GVQW3: variants seen among roughly 807,000 people sequenced by gnomAD.
GVQW3 encodes protein GVQW3.
Under a neutral mutation model 12.5 loss-of-function variants are expected in GVQW3, and 7 were observed. That is an observed-to-expected ratio of 0.56 (90% CI 0.32 to 1.05). The LOEUF (loss-of-function observed/expected upper bound fraction) is 1.05. Ranked by LOEUF, GVQW3 falls within the 50% of genes least tolerant of loss-of-function variation. The pLI is 0.04. For missense variants in GVQW3, 188 were observed against 190.8 expected, an observed-to-expected ratio of 0.99 and a Z score of 0.09; for synonymous variants, 71 against 67.2, an observed-to-expected ratio of 1.06 and a Z score of -0.28.
At chr11:76,395,211 G>A (rs1946928791) in intron 1 of GVQW3, 1 of 152,174 alleles carries the variant, frequency 6.6e-6, no homozygotes, top group African/African-American at 2.4e-5. Context: ...CATTCACAAT[G>A]CTGTGCAACC....
At chr11:76,392,202 C>T (rs1319148293) in intron 1 of GVQW3, 1 of 152,204 alleles carries the variant, frequency 6.6e-6, no homozygotes, top group Non-Finnish European at 1.5e-5. Flanking sequence ...TTGTAATCAT[C>T]AACTAAGGGT....
At chr11:76,409,108 G>A (rs1359042594), downstream of GVQW3, among the ~76,000 whole-genome samples, 1 of 152,182 alleles carries the variant, frequency 6.6e-6, no homozygotes, top group Non-Finnish European at 1.5e-5. Flanking sequence ...CAGGCACTGT[G>A]CTTAGAATAG....
intron 1 of GVQW3, among the ~76,000 whole-genome samples, chr11:76,400,565 C>T (rs1334394671): frequency 6.6e-6 from 1 of 152,040 alleles, no homozygotes; most frequent in Non-Finnish European, 1.5e-5. Context: ...GGATTACAGG[C>T]TCACACCACC....
Position 76,404,051 on chromosome 11 carries a change from C to T in GVQW3, c.*293C>T. Reference sequence around the variant, plus strand: ...GACACACCCAGAAATAATGTTTTCCCATCTATCTCAGTACCCCATGATCCA... The same window carrying T: ...GACACACCCAGAAATAATGTTTTCCTATCTATCTCAGTACCCCATGATCCA... On this transcript the variant is annotated 3_prime_UTR_variant, in exon 2 of 2. Coordinates refer to ENST00000529331, the MANE Select transcript of GVQW3 (RefSeq NM_001347885.2). 1.8e-6 allele frequency: 1 copy of T among 564,922 alleles called. No homozygotes were observed. Among genetic ancestry groups the T allele is most frequent in the Non-Finnish European group, 3.3e-6 (1 of 307,064 alleles). 35.0% of individuals were successfully genotyped at this position (564,922 alleles called of 1,614,324 possible).
intron 1 of GVQW3, among the ~76,000 whole-genome samples, chr11:76,385,874 T>A (rs1333627446): frequency 6.6e-6 from 1 of 152,210 alleles, no homozygotes; most frequent in Non-Finnish European, 1.5e-5. Context: ...GGAGGCAATA[T>A]GGTTACCTCT....
intron 1 of GVQW3, among the ~76,000 whole-genome samples, chr11:76,396,296 ATTATTATTATTATT>A (rs936857745): frequency 4.0e-5 from 6 of 151,334 alleles, no homozygotes; most frequent in African/African-American, 7.3e-5. Flanking sequence ...TGCTGCTATT[ATTATTATTATTATT>A]TTATTATTAT....
chr11:76,394,585 C>T (rs928966354), intron 1 of GVQW3, among the ~76,000 whole-genome samples: 1 of 152,138 alleles, frequency 6.6e-6, no homozygotes, highest in Non-Finnish European at 1.5e-5. Context: ...TTTATCTATT[C>T]ATCTGTTGAC....
At chr11:76,410,434 G>GAT (rs371900741), downstream of GVQW3, among the ~76,000 whole-genome samples, 2 of 148,168 alleles carry the variant, frequency 1.3e-5, no homozygotes, top group African/African-American at 2.5e-5. Context: ...GGTCTGTTTT[G>GAT]TTTTTTTTTT....
intron 1 of GVQW3, among the ~76,000 whole-genome samples, chr11:76,387,847 C>T (rs551225208): frequency 6.6e-6 from 1 of 152,080 alleles, no homozygotes; most frequent in Non-Finnish European, 1.5e-5. Context: ...CACTTGAGCC[C>T]AGGAGGTCCA....
chr11:76,413,321 T>C (rs1947094281), exon 2 of GVQW3: 1 of 152,208 alleles, frequency 6.6e-6, no homozygotes, highest in Admixed American at 6.5e-5. Flanking sequence ...CCAGGTGTCA[T>C]GTAAAGGGAC....
chr11:76,406,260 AC>A lies in GVQW3; in HGVS notation c.*2503del, dbSNP rs1947038446. On this transcript the variant is annotated 3_prime_UTR_variant, in exon 2 of 2. Transcript: ENST00000529331. ...AATGCTGGGACTATAGGTGTGAGCC[AC>A]TGCACCTGGCCTGGAGCTCAGTTCT... 1 of 152,428 alleles carries A rather than the reference AC, an allele frequency of 6.6e-6. No individual in the cohort carries two copies. Among genetic ancestry groups the A allele is most frequent in the South Asian group, 2.1e-4 (1 of 4,824 alleles). The allele number at this position is 152,428 out of a possible 1,614,324, so 9.4% of individuals were successfully genotyped here.
downstream of GVQW3, chr11:76,408,350 T>C (rs1357314633): frequency 6.6e-6 from 1 of 152,120 alleles, no homozygotes; most frequent in Non-Finnish European, 1.5e-5. Context: ...TGAATAGGGG[T>C]CCTCTAGGGC....
chr11:76,381,961 G>A lies in GVQW3; in HGVS notation c.133G>A (p.Asp45Asn). 1 of 1,536,390 alleles carries A rather than the reference G, an allele frequency of 6.5e-7. No homozygotes were observed. The highest frequency in any genetic ancestry group is 1.2e-5 in the South Asian group (1 of 84,054). ...AGTCATGTCAAGGGCCAGAGTTTTT[G>A]ACTGGCACAAAAGGTTTAAAGAAGG... is the stretch of plus-strand genomic sequence containing the variant. ...DEVMSRARVF[D>N]WHKRFKEGRE... Residue 45 changes from aspartate (D) to asparagine (N), a missense_variant, in exon 1 of 2, where the codon GAC (aspartate) becomes AAC (asparagine). Physicochemically the swap from Asp to Asn is conservative, Grantham distance 23 (BLOSUM62 1). Coordinates refer to ENST00000529331, the MANE Select transcript of GVQW3 (RefSeq NM_001347885.2).
rs1421613693 is a variant in GVQW3, at chr11:76,382,062, C to T, written c.234C>T (p.Val78=). The change falls in exon 1 of 2, where the codon GTC becomes GTT. Residue 78 remains valine (V), a synonymous_variant. Transcript: ENST00000529331. ...GAACAGATGACAATATCCAGAAGGT[C>T]AAGGACTTGGTTTGTTCAAACAGGC... is the stretch of plus-strand genomic sequence containing the variant. ...THRTDDNIQK[V]KDLVCSNRQL... is the part of the protein sequence containing the mutation. The T allele has an allele frequency of 1.3e-6, 2 of 1,536,434 alleles. No individual in the cohort carries two copies. Among genetic ancestry groups the T allele is most frequent in the Non-Finnish European group, 1.7e-6 (2 of 1,147,002 alleles).
rs1159860509 is a variant in GVQW3, at chr11:76,403,643, A to T, written c.466-17A>T. ...TGCCACCATGCCCAAATAATTTTTT[A>T]TTTTTATTTTTTGTAGAGACGGAAC... On this transcript the variant is annotated splice_polypyrimidine_tract_variant and intron_variant, in intron 1 of 1. Transcript: ENST00000529331. 5 of 439,688 alleles carry T rather than the reference A, an allele frequency of 1.1e-5. No individual in the cohort carries two copies. Among genetic ancestry groups the T allele is most frequent in the Admixed American group, 8.1e-5 (2 of 24,552 alleles). The allele number at this position is 439,688 out of a possible 1,614,324, so 27.2% of individuals were successfully genotyped here.
intron 1 of GVQW3, among the ~76,000 whole-genome samples, chr11:76,384,598 CA>C (rs1478250002): frequency 6.6e-6 from 1 of 152,222 alleles, no homozygotes; most frequent in Non-Finnish European, 1.5e-5. Context: ...GCTGGGATTA[CA>C]GGCGTGAGCC....
chr11:76,396,402 C>T (rs530311912), intron 1 of GVQW3, among the ~76,000 whole-genome samples: 29 of 152,148 alleles, frequency 1.9e-4, no homozygotes, highest in African/African-American at 6.7e-4. Context: ...GCAAACTACG[C>T]TTCCCGGGCT....
At chr11:76,385,269 A>G (rs2134535867) in intron 1 of GVQW3, among the ~76,000 whole-genome samples, 2 of 152,352 alleles carry the variant, frequency 1.3e-5, no homozygotes, top group East Asian at 1.9e-4. Context: ...ACCCAAGGGT[A>G]GAGCATGATC....
At chr11:76,402,718 A>G (rs1947003050) in intron 1 of GVQW3, among the ~76,000 whole-genome samples, 2 of 152,020 alleles carry the variant, frequency 1.3e-5, no homozygotes, top group Admixed American at 6.6e-5. Flanking sequence ...TTTTCTTAAT[A>G]TAATTTAATT....
Sources: allele counts gnomAD v4.1 joint callset (sites outside exome capture counted in the v4.1 genomes callset), GRCh38; gene constraint gnomAD v4.1.1; transcripts MANE v1.5; gene names NCBI Gene and HGNC (gene_info 2026-07-23, HGNC 2026-07-21).